ADRA1A: variants seen among roughly 807,000 people sequenced by gnomAD.
ADRA1A encodes the protein alpha-1A adrenergic receptor.
In ADRA1A, 31 loss-of-function variants were observed where a neutral mutation model predicts 29.6. The ratio of observed to expected loss-of-function variants is 1.05; its 90% CI spans 0.79 to 1.41. The LOEUF (loss-of-function observed/expected upper bound fraction) is 1.41. Ranked by LOEUF, ADRA1A falls within the 40% of genes most tolerant of loss-of-function variation. ADRA1A has a pLI of 0.00. For missense variants in ADRA1A, 619 were observed against 601.1 expected, an observed-to-expected ratio of 1.03 and a Z score of -0.31; for synonymous variants, 311 against 254.3, an observed-to-expected ratio of 1.22 and a Z score of -2.12.
chr8:26,797,071 T>C (rs1358054215), intron 2 of ADRA1A, among the ~76,000 whole-genome samples: 7 of 151,956 alleles, frequency 4.6e-5, no homozygotes, highest in African/African-American at 1.7e-4. Context: ...GTTGTGAGAG[T>C]GGAGTGAAAT....
rs576364600 is a variant in ADRA1A at position 26,821,181 on chromosome 8, C to T, written c.883+42906G>A. Among the ~76,000 whole-genome samples the T allele has an allele frequency of 3.3e-5, 5 of 152,238 alleles. No homozygotes were observed. Among genetic ancestry groups the T allele is most frequent in the South Asian group, 2.1e-4 (1 of 4,820 alleles). On this transcript the variant is annotated intron_variant, in intron 2 of 2. Coordinates refer to ENST00000380573, the MANE Select transcript of ADRA1A (RefSeq NM_000680.4). This position sits in a 1 kb window ranked among gnomAD's most constrained non-coding sequence, Gnocchi z 5.6. ...CTGGGATTACAGGCATGAGCCACCA[C>T]GCCTGGCCACATTAGGCCATTTTAG...
At chr8:26,761,484 C>A (rs1310201778), downstream of ADRA1A, among the ~76,000 whole-genome samples, 1 of 151,938 alleles carries the variant, frequency 6.6e-6, no homozygotes, top group African/African-American at 2.4e-5. Flanking sequence ...GAGGGTGGAC[C>A]CAAATCCAAT....
chr8:26,761,349 A>G (rs1030227515), downstream of ADRA1A, among the ~76,000 whole-genome samples: 17 of 152,314 alleles, frequency 1.1e-4, no homozygotes, highest in Middle Eastern at 3.4e-3. Flanking sequence ...GAGAGTGAGG[A>G]GGGAGTCCTT....
chr8:26,840,589 C>A (rs1330778201), intron 2 of ADRA1A, among the ~76,000 whole-genome samples: 2 of 143,368 alleles, frequency 1.4e-5, no homozygotes, highest in African/African-American at 5.1e-5. Flanking sequence ...CTTTAGCGTT[C>A]TTTTTTTTTT....
rs921849784 is a variant in ADRA1A, at chr8:26,864,910, C to T, written c.60G>A (p.Pro20=). ...GCAGAATGGCCTTGGAAATGTTCAC[C>T]GGTGCCGGCGGTTGGGTGCAGTTGG... ...DSSNCTQPPA[P]VNISKAILLG... The change falls in exon 2 of 3, where the codon CCG becomes CCA. Residue 20 remains proline (P), a synonymous_variant. Transcript: ENST00000380573. This position sits in a 1 kb window ranked among gnomAD's most constrained non-coding sequence, Gnocchi z 8.1. The T allele has an allele frequency of 1.4e-5, 22 of 1,613,632 alleles. No individual in the cohort carries two copies. Among genetic ancestry groups the T allele is most frequent in the East Asian group, 4.5e-5 (2 of 44,854 alleles).
chr8:26,853,797 T>C (rs2130755403), intron 2 of ADRA1A: 1 of 152,320 alleles, frequency 6.6e-6, no homozygotes, highest in Middle Eastern at 3.4e-3. Context: ...TGAGCATCCC[T>C]GAGAAGGCAC....
chr8:26,801,381 A>G (rs1229415699), intron 2 of ADRA1A, among the ~76,000 whole-genome samples: 1 of 152,202 alleles, frequency 6.6e-6, no homozygotes. Context: ...AAAAAAATCT[A>G]AAGACCACAC....
chr8:26,789,109 C>T (rs114973526), intron 2 of ADRA1A, among the ~76,000 whole-genome samples: 1 of 151,886 alleles, frequency 6.6e-6, no homozygotes, highest in South Asian at 2.1e-4. Flanking sequence ...CTTTTCCCCC[C>T]ACCCCTGACA....
intron 2 of ADRA1A, among the ~76,000 whole-genome samples, chr8:26,832,955 T>G (rs1037465589): frequency 6.6e-6 from 1 of 152,178 alleles, no homozygotes; most frequent in African/African-American, 2.4e-5. Flanking sequence ...TGAGACACAG[T>G]TGGGAGCTGC....
chr8:26,810,971 G>A (rs970039195), intron 2 of ADRA1A, among the ~76,000 whole-genome samples: 2 of 152,108 alleles, frequency 1.3e-5, no homozygotes, highest in African/African-American at 4.8e-5. Flanking sequence ...CCACATTTGT[G>A]CTCCTGTGTT....
At chr8:26,852,254 A>G (rs952876338) in intron 2 of ADRA1A, among the ~76,000 whole-genome samples, 17 of 152,214 alleles carry the variant, frequency 1.1e-4, no homozygotes, top group African/African-American at 4.1e-4. Context: ...CTTTGCGTAG[A>G]AGCAAATGTA....
chr8:26,770,212 G>T lies in ADRA1A; in HGVS notation c.1338C>A (p.Asn446Lys), dbSNP rs1244140376. The change falls in exon 3 of 3, where the codon AAC becomes AAA. Residue 446 changes from asparagine to lysine, a missense_variant. By Grantham distance (94) the Asn-to-Lys change is moderately conservative. Coordinates refer to ENST00000380573, the MANE Select transcript of ADRA1A (RefSeq NM_000680.4). ...VGPSTPSLDK[N>K]HQVPTIKVHT... ...GGACCTTAATGGTTGGAACTTGATG[G>T]TTCTTGTCAAGGCTGGGGGTTGAGG... 1.2e-6 allele frequency: 2 copies of T among 1,603,980 alleles called. No individual in the cohort carries two copies. Among genetic ancestry groups the T allele is most frequent in the African/African-American group, 1.3e-5 (1 of 74,662 alleles).
intron 2 of ADRA1A, among the ~76,000 whole-genome samples, chr8:26,858,172 C>A (rs1318598387): frequency 1.3e-5 from 2 of 152,222 alleles, no homozygotes; most frequent in African/African-American, 4.8e-5. Flanking sequence ...TCTATGTAAG[C>A]CACATCTCAG....
chr8:26,839,474 C>G (rs997145486), intron 2 of ADRA1A, among the ~76,000 whole-genome samples: 1 of 151,984 alleles, frequency 6.6e-6, no homozygotes, highest in Non-Finnish European at 1.5e-5. Context: ...AGTTTTTTGA[C>G]TTCCTAAACT....
At chr8:26,759,889 A>G (rs1805408572) in intron 2 of ADRA1A, among the ~76,000 whole-genome samples, 1 of 152,156 alleles carries the variant, frequency 6.6e-6, no homozygotes, top group South Asian at 2.1e-4. Context: ...TTGCCTTTTG[A>G]TGTGATTTTC....
intron 2 of ADRA1A, among the ~76,000 whole-genome samples, chr8:26,807,284 G>T (rs1809062571): frequency 6.6e-6 from 1 of 152,130 alleles, no homozygotes; most frequent in South Asian, 2.1e-4. Context: ...ATTTTCACAG[G>T]GCTGCTTCTT....
chr8:26,765,946 A>T, downstream of ADRA1A: 1 of 1,544,168 alleles, frequency 6.5e-7, no homozygotes, highest in Admixed American at 1.8e-5. Context: ...GAAGGTTGGG[A>T]TATCCAGTTT....
chr8:26,808,312 TC>T (rs1193535369), intron 2 of ADRA1A, among the ~76,000 whole-genome samples: 2 of 152,244 alleles, frequency 1.3e-5, no homozygotes, highest in African/African-American at 4.8e-5. Context: ...AAGATCTTCA[TC>T]CTTTTTTATA....
At chr8:26,814,475 T>C (rs1328208231) in intron 2 of ADRA1A, among the ~76,000 whole-genome samples, 1 of 152,220 alleles carries the variant, frequency 6.6e-6, no homozygotes, top group Non-Finnish European at 1.5e-5. Flanking sequence ...TTGCCCAGGC[T>C]GGTCTTAAAC....
Sources: allele counts gnomAD v4.1 joint callset (sites outside exome capture counted in the v4.1 genomes callset), GRCh38; gene constraint gnomAD v4.1.1; non-coding constraint Gnocchi (gnomAD v3.1); transcripts MANE v1.5; gene names NCBI Gene and HGNC (gene_info 2026-07-23, HGNC 2026-07-21).